Variants in PLEKHM2 observed in about 807,000 individuals in gnomAD.
The protein encoded by PLEKHM2 is pleckstrin homology and RUN domain containing M2, also known as pleckstrin homology domain-containing family M member 2.
A neutral mutation model predicts 116.3 loss-of-function variants in PLEKHM2; 77 were observed. The ratio of observed to expected loss-of-function variants is 0.66; its 90% CI spans 0.55 to 0.80. The LOEUF is 0.80. Among genes scored for constraint, PLEKHM2 ranks in the 30% least tolerant of loss-of-function variants. The pLI is 0.00. For synonymous variants in PLEKHM2, 562 were observed against 571.0 expected, an observed-to-expected ratio of 0.98 and a Z score of 0.22; for missense variants, 1,183 against 1,354.9, an observed-to-expected ratio of 0.87 and a Z score of 1.99.
chr1:15,727,449 A>G lies in PLEKHM2; in HGVS notation c.1377A>G (p.Ser459=). The change falls in exon 9 of 20, where the codon TCA becomes TCG. Residue 459 remains serine (S), a synonymous_variant. Coordinates refer to ENST00000375799, the MANE Select transcript of PLEKHM2 (RefSeq NM_015164.4). The surrounding 1 kb of genome is among the most constrained non-coding windows in gnomAD (Gnocchi z 7.5). ...PPLCDFSEGL[S]APMDFYRFTV... ...TTTGCGACTTTAGTGAGGGGCTTTCAGCCCCAATGGACTTCTACCGCTTTA... is the reference window on the plus strand; with the variant it reads ...TTTGCGACTTTAGTGAGGGGCTTTCGGCCCCAATGGACTTCTACCGCTTTA... The G allele has an allele frequency of 6.2e-7, 1 of 1,605,404 alleles. No homozygotes were observed. Among genetic ancestry groups the G allele is most frequent in the Non-Finnish European group, 8.5e-7 (1 of 1,176,692 alleles).
chr1:15,728,822 C>T lies in PLEKHM2; in HGVS notation c.1986+89C>T. The stretch of plus-strand genomic sequence containing the variant: ...ATAGAACTGCAGGGCGAGGCACGGC[C>T]CCTTACTCCCCTCCCGGGGTTGGGC... On this transcript the variant is annotated intron_variant, in intron 12 of 19. Transcript: ENST00000375799. This position sits in a 1 kb window ranked among gnomAD's most constrained non-coding sequence, Gnocchi z 5.9. 2 of 1,187,936 alleles carry T rather than the reference C, an allele frequency of 1.7e-6. No homozygotes were observed. The highest frequency in any genetic ancestry group is 1.5e-5 in the African/African-American group (1 of 66,068). 73.6% of individuals were successfully genotyped at this position (1,187,936 alleles called of 1,614,324 possible). A position where few individuals can be genotyped will look rare whatever the true frequency, so the allele number is the denominator to read the frequency against.
At chr1:15,724,104 G>C (rs1393885072) in intron 7 of PLEKHM2, among the ~76,000 whole-genome samples, 2 of 152,192 alleles carry the variant, frequency 1.3e-5, no homozygotes, top group African/African-American at 4.8e-5. Context: ...GCTGGGTGGG[G>C]CGGGATGTCC....
intron 1 of PLEKHM2, among the ~76,000 whole-genome samples, chr1:15,688,974 C>T (rs1163584844): frequency 6.6e-6 from 1 of 151,978 alleles, no homozygotes; most frequent in African/African-American, 2.4e-5. Flanking sequence ...CCTGGCCAGG[C>T]GCGGTGGCTC....
chr1:15,720,130 A>T (rs1016227409), intron 6 of PLEKHM2, among the ~76,000 whole-genome samples: 3 of 108,708 alleles, frequency 2.8e-5, no homozygotes, highest in African/African-American at 1.1e-4. Context: ...AGCTGAAATT[A>T]TATATATATA....
At chr1:15,722,619 A>G (rs1408209148) in intron 7 of PLEKHM2, 1 of 152,210 alleles carries the variant, frequency 6.6e-6, no homozygotes, top group African/African-American at 2.4e-5. Flanking sequence ...AATGGGTGAC[A>G]GGTGATCCGT....
At chr1:15,690,635 G>A (rs1487737113) in intron 1 of PLEKHM2, among the ~76,000 whole-genome samples, 1 of 152,238 alleles carries the variant, frequency 6.6e-6, no homozygotes, top group African/African-American at 2.4e-5. Flanking sequence ...TACTTCCAGA[G>A]AAGTTGGTGC....
intron 15 of PLEKHM2, 104 bp downstream of exon 15, chr1:15,730,826 C>A: frequency 1.1e-6 from 1 of 920,964 alleles, no homozygotes; most frequent in Non-Finnish European, 1.6e-6. Context: ...GAGGGAGCAG[C>A]CTGAGGAGAG....
At chr1:15,726,989 ACT>A in intron 8 of PLEKHM2, 23 bp from the exon 9 acceptor site, 1 of 1,427,444 alleles carries the variant, frequency 7.0e-7, no homozygotes, top group Non-Finnish European at 9.3e-7. Flanking sequence ...AGGGGTTAAC[ACT>A]CTCCCCGTCG....
chr1:15,732,448 C>G lies in PLEKHM2; in HGVS notation c.2724C>G (p.Ser908Arg). 6.3e-7 allele frequency: 1 copy of G among 1,596,732 alleles called. No individual in the cohort carries two copies. Among genetic ancestry groups the G allele is most frequent in the Non-Finnish European group, 8.5e-7 (1 of 1,172,062 alleles). Residue 908 changes from serine to arginine, a missense_variant, in exon 18 of 20, where the codon AGC becomes AGG. Around this residue, in one of 3 missense-constraint regions of PLEKHM2, gnomAD observed 594 missense variants for 720.1 expected, o/e 0.82. Coordinates refer to ENST00000375799, the MANE Select transcript of PLEKHM2 (RefSeq NM_015164.4). ...CGTGCCATGAGGATTGCCAGACCAGCTTCTTCCGCTCTTTGGGCACAGCCA... is the reference window on the plus strand; with the variant it reads ...CGTGCCATGAGGATTGCCAGACCAGGTTCTTCCGCTCTTTGGGCACAGCCA... ...LFTCHEDCQTSFFRSLGTAKL... is the reference protein window; with the variant it reads ...LFTCHEDCQTRFFRSLGTAKL...
At chr1:15,691,016 A>G (rs185661044) in intron 1 of PLEKHM2, among the ~76,000 whole-genome samples, 17 of 152,374 alleles carry the variant, frequency 1.1e-4, no homozygotes, top group African/African-American at 4.1e-4. Context: ...AGGCAATGAC[A>G]TTGCATCCTG....
At chr1:15,724,864 G>A (rs1291562411) in intron 7 of PLEKHM2, among the ~76,000 whole-genome samples, 1 of 152,144 alleles carries the variant, frequency 6.6e-6, no homozygotes, top group Non-Finnish European at 1.5e-5. Context: ...CCTACAAGTG[G>A]GGTATGGGGC....
chr1:15,692,167 A>AG (rs1640902121), intron 1 of PLEKHM2, among the ~76,000 whole-genome samples: 1 of 152,018 alleles, frequency 6.6e-6, no homozygotes, highest in South Asian at 2.1e-4. Context: ...AGGGACTGGT[A>AG]GGTAGGTAGA....
chr1:15,732,722 C>T lies in PLEKHM2; in HGVS notation c.2916C>T (p.Ile972=), dbSNP rs367782869. ...LSALNSGWKT[I]YQVDLPHTAI... is the part of the protein sequence containing the mutation. Reference sequence around the variant, plus strand: ...CACTGAACTCTGGGTGGAAAACCATCTATCAGGTACCCAGCTGCCCAGGAA... The same window carrying T: ...CACTGAACTCTGGGTGGAAAACCATTTATCAGGTACCCAGCTGCCCAGGAA... The change falls in exon 19 of 20, where the codon ATC becomes ATT. Residue 972 remains isoleucine (I), a synonymous_variant. Transcript: ENST00000375799. The T allele has an allele frequency of 5.1e-5, 82 of 1,599,578 alleles. No individual in the cohort carries two copies. The highest frequency in any genetic ancestry group is 6.8e-5 in the Non-Finnish European group (80 of 1,171,204).
intron 1 of PLEKHM2, among the ~76,000 whole-genome samples, chr1:15,714,996 G>A (rs1049452413): frequency 3.3e-5 from 5 of 152,180 alleles, no homozygotes; most frequent in Non-Finnish European, 7.3e-5. Context: ...CCAGCCTGGT[G>A]GGGTTTGCAC....
At chr1:15,683,316 G>T (rs986784202), upstream of PLEKHM2, among the ~76,000 whole-genome samples, 5 of 151,990 alleles carry the variant, frequency 3.3e-5, no homozygotes, top group Non-Finnish European at 5.9e-5. Flanking sequence ...GCACATTGAG[G>T]GGGTGGCTGG....
In PLEKHM2 at chr1:15,721,225, C is replaced by A. The variant is rs2067992590; in HGVS notation, c.653-104C>A. ...TGTAGAAAGTTGAAGTTTTCCTCTCCTATTTTCTCCCCATGTCTCCCACCC... is the reference window on the plus strand; with the variant it reads ...TGTAGAAAGTTGAAGTTTTCCTCTCATATTTTCTCCCCATGTCTCCCACCC... On this transcript the variant is annotated intron_variant, in intron 6 of 19. Transcript: ENST00000375799. This position sits in a 1 kb window ranked among gnomAD's most constrained non-coding sequence, Gnocchi z 5.1. 3 of 745,634 alleles carry A rather than the reference C, an allele frequency of 4.0e-6. 1 individual carries two copies. In the South Asian group the frequency reaches 4.7e-5, roughly 12 times the overall value. The allele number at this position is 745,634 out of a possible 1,614,324, so 46.2% of individuals were successfully genotyped here.
In PLEKHM2 at chr1:15,684,407, GGCGGCGGGCGCCGGGCCCC is replaced by G; in HGVS notation, c.-146_-128del. 4.3e-6 allele frequency: 1 copy of G among 232,866 alleles called. No homozygotes were observed. Among genetic ancestry groups the G allele is most frequent in the South Asian group, 1.5e-4 (1 of 6,620 alleles). 14.4% of individuals were successfully genotyped at this position (232,866 alleles called of 1,614,324 possible). A position where few individuals can be genotyped will look rare whatever the true frequency, so the allele number is the denominator to read the frequency against. On this transcript the variant is annotated 5_prime_UTR_variant, in exon 1 of 20. Coordinates refer to ENST00000375799, the MANE Select transcript of PLEKHM2 (RefSeq NM_015164.4). Reference sequence around the variant, plus strand: ...GAGGGCCCAGGCGAGGCGAGGGCCGGGCGGCGGGCGCCGGGCCCCGCGGCCGGCACGACGGAGCCCCCGT... The same window carrying G: ...GAGGGCCCAGGCGAGGCGAGGGCCGGGCGGCCGGCACGACGGAGCCCCCGT...
In PLEKHM2 at chr1:15,719,691, A is replaced by G. The variant is rs756678956; in HGVS notation, c.466-43A>G. 4.2e-6 allele frequency: 6 copies of G among 1,435,918 alleles called. No homozygotes were observed. Among genetic ancestry groups the G allele is most frequent in the Admixed American group, 3.5e-5 (2 of 57,794 alleles). The allele number at this position is 1,435,918 out of a possible 1,614,324, so 88.9% of individuals were successfully genotyped here. ...CCTGCTGTCTGCAGAAGGCCGCTGC[A>G]CGAGGCCTCCCACCAAACGGGCCTC... On this transcript the variant is annotated intron_variant, in intron 5 of 19. Transcript: ENST00000375799. The surrounding 1 kb of genome is among the most constrained non-coding windows in gnomAD (Gnocchi z 4.1).
At chr1:15,716,131 G>C in intron 1 of PLEKHM2, 106 bp from the exon 2 acceptor site, 1 of 689,074 alleles carries the variant, frequency 1.5e-6, no homozygotes, top group Non-Finnish European at 2.5e-6. Flanking sequence ...GGTCATTGTG[G>C]ATACACCATT....
Sources: gnomAD v4.1 joint callset for allele counts (sites outside exome capture counted in the v4.1 genomes callset) on GRCh38, gnomAD v4.1.1 for gene constraint, gnomAD v4.1.1 regional missense constraint, Gnocchi (gnomAD v3.1) non-coding constraint, MANE v1.5 for transcripts, NCBI Gene and HGNC (gene_info 2026-07-23, HGNC 2026-07-21) for gene names.